The following SLC9A9 variants were observed in gnomAD, a reference collection of about 807,000 sequenced individuals.
The protein encoded by SLC9A9 is sodium/hydrogen exchanger 9.
Under a neutral mutation model 77.8 loss-of-function variants are expected in SLC9A9, and 62 were observed. The observed-to-expected ratio is 0.80, with a 90% CI of 0.65 to 0.98. The LOEUF is 0.98. Among genes scored for constraint, SLC9A9 ranks in the 50% least tolerant of loss-of-function variants. The probability of loss-of-function intolerance (pLI) is 0.00; values close to 1 mark genes in which losing one functional copy is unlikely to be tolerated. For missense variants in SLC9A9, 775 were observed against 774.9 expected (o/e 1.00, Z 0.00); for synonymous variants, 320 against 283.5 (o/e 1.13, Z -1.29).
chr3:143,697,202 G>A (rs6763739), intron 4 of SLC9A9, among the ~76,000 whole-genome samples: 64,417 of 150,936 alleles, frequency 0.43, 13,846 homozygotes, highest in South Asian at 0.6. Context: ...AAGTATACTG[G>A]GCATGGAAAA....
chr3:143,267,335 GT>G (rs1167269550), intron 15 of SLC9A9, among the ~76,000 whole-genome samples: 11 of 142,274 alleles, frequency 7.7e-5, no homozygotes, highest in African/African-American at 3.0e-4. Context: ...TTGAAACACA[GT>G]TATTGCTACT....
chr3:143,563,825 A>G (rs1004493053), intron 8 of SLC9A9, among the ~76,000 whole-genome samples: 3 of 152,270 alleles, frequency 2.0e-5, no homozygotes, highest in East Asian at 1.9e-4. Context: ...TGTCTGTAAT[A>G]TAAATGGTTC....
At chr3:143,724,735 C>T (rs13067028) in intron 4 of SLC9A9, among the ~76,000 whole-genome samples, 1 of 152,102 alleles carries the variant, frequency 6.6e-6, no homozygotes, top group African/African-American at 2.4e-5. Flanking sequence ...GTGTTAAACA[C>T]GAAAACAATT....
intron 6 of SLC9A9, among the ~76,000 whole-genome samples, chr3:143,619,803 C>T (rs752957771): frequency 1.3e-4 from 20 of 152,200 alleles, no homozygotes; most frequent in Non-Finnish European, 1.8e-4. Flanking sequence ...CTTCTGGTCC[C>T]GCCAACAGAA....
At chr3:143,391,328 C>T (rs541423213) in intron 12 of SLC9A9, among the ~76,000 whole-genome samples, 15 of 152,378 alleles carry the variant, frequency 9.8e-5, no homozygotes, top group African/African-American at 3.6e-4. Flanking sequence ...GCTGCTGATA[C>T]CCAGGCAAAC....
chr3:143,570,031 C>T (rs2037233585), intron 8 of SLC9A9, among the ~76,000 whole-genome samples: 1 of 151,440 alleles, frequency 6.6e-6, no homozygotes, highest in Non-Finnish European at 1.5e-5. Flanking sequence ...GTCTGGAACT[C>T]TTGGGCCCAA....
At chr3:143,792,335 CT>C (rs1460331611) in intron 4 of SLC9A9, among the ~76,000 whole-genome samples, 1 of 152,216 alleles carries the variant, frequency 6.6e-6, no homozygotes, top group Non-Finnish European at 1.5e-5. Flanking sequence ...TATGTGCCCT[CT>C]TCTTCAGAAG....
At chr3:143,619,245 A>G (rs2038157063) in intron 6 of SLC9A9, among the ~76,000 whole-genome samples, 1 of 152,254 alleles carries the variant, frequency 6.6e-6, no homozygotes, top group Non-Finnish European at 1.5e-5. Context: ...CAGTTTCTCA[A>G]GCAAAATCCC....
intron 14 of SLC9A9, among the ~76,000 whole-genome samples, chr3:143,313,680 G>A (rs1200109018): frequency 1.3e-5 from 2 of 152,210 alleles, no homozygotes; most frequent in Admixed American, 6.5e-5. Context: ...AGGACTGAAA[G>A]TTCACAATCT....
chr3:143,382,144 C>A (rs757198075), intron 12 of SLC9A9, 30 bp from the exon 13 acceptor site: 16 of 1,613,358 alleles, frequency 9.9e-6, no homozygotes, highest in Non-Finnish European at 1.2e-5. Context: ...ACTGGTCAAT[C>A]CCCTGCTGCA....
chr3:143,272,102 G>T (rs1937914680), intron 14 of SLC9A9, among the ~76,000 whole-genome samples: 1 of 152,138 alleles, frequency 6.6e-6, no homozygotes, highest in South Asian at 2.1e-4. Flanking sequence ...GGACTACTTG[G>T]GCCTGAGTTA....
intron 14 of SLC9A9, among the ~76,000 whole-genome samples, chr3:143,270,593 TA>T (rs1042255420): frequency 6.6e-6 from 1 of 151,734 alleles, no homozygotes; most frequent in Admixed American, 6.6e-5. Context: ...GAGTACAAAT[TA>T]AAAAAAATCC....
chr3:143,730,740 A>T (rs1020280968), intron 4 of SLC9A9, among the ~76,000 whole-genome samples: 1 of 152,226 alleles, frequency 6.6e-6, no homozygotes, highest in African/African-American at 2.4e-5. Context: ...AACATATTGC[A>T]AACACTTAGT....
At position 143,751,702 on chromosome 3, in the gene SLC9A9, G is replaced by A. The variant is rs149559533; in HGVS notation, c.533+43299C>T. Among the ~76,000 whole-genome samples the A allele has an allele frequency of 4.7e-3, 720 of 152,294 alleles. 4 individuals carry two copies. Among genetic ancestry groups the A allele is most frequent in the African/African-American group, 0.016 (680 of 41,548 alleles). ...CCTCTGCTTCAGGGTTGGCTTCCAA[G>A]GGAGCCTATCTGTGAGAGGGATGAC... On this transcript the variant is annotated intron_variant, in intron 4 of 15. Coordinates refer to ENST00000316549, the MANE Select transcript of SLC9A9 (RefSeq NM_173653.4).
chr3:143,693,794 C>G (rs1023667651), intron 4 of SLC9A9, among the ~76,000 whole-genome samples: 1 of 152,152 alleles, frequency 6.6e-6, no homozygotes, highest in East Asian at 1.9e-4. Flanking sequence ...ATAGATGAGT[C>G]TCTGCTGCTA....
At chr3:143,345,805 G>A (rs1288628501) in intron 14 of SLC9A9, among the ~76,000 whole-genome samples, 1 of 152,136 alleles carries the variant, frequency 6.6e-6, no homozygotes, top group Non-Finnish European at 1.5e-5. Flanking sequence ...ACAAAAAGAT[G>A]ATGGAATCCA....
intron 4 of SLC9A9, among the ~76,000 whole-genome samples, chr3:143,720,272 C>A (rs1023860149): frequency 8.0e-5 from 12 of 150,418 alleles, no homozygotes; most frequent in Middle Eastern, 3.4e-3. Flanking sequence ...CATTTGGGTT[C>A]TTTACTGGAA....
intron 14 of SLC9A9, among the ~76,000 whole-genome samples, chr3:143,309,411 G>T (rs1344320497): frequency 1.3e-5 from 1 of 74,682 alleles, no homozygotes; most frequent in Non-Finnish European, 2.4e-5. Flanking sequence ...AAAATAAACA[G>T]AAAAGCAAAA....
At chr3:143,289,173 T>C (rs1355035170) in intron 14 of SLC9A9, among the ~76,000 whole-genome samples, 1 of 151,990 alleles carries the variant, frequency 6.6e-6, no homozygotes, top group Non-Finnish European at 1.5e-5. Context: ...GGAGGGATGC[T>C]TACAGGGCCC....
Sources: gnomAD v4.1 joint callset for allele counts (sites outside exome capture counted in the v4.1 genomes callset) on GRCh38, gnomAD v4.1.1 for gene constraint, MANE v1.5 for transcripts, NCBI Gene and HGNC (gene_info 2026-07-23, HGNC 2026-07-21) for gene names.